Variants in ARID2 observed in about 807,000 individuals in gnomAD.
ARID2 encodes the protein AT-rich interactive domain-containing protein 2.
In ARID2, 32 loss-of-function variants were observed where a neutral mutation model predicts 184.6. That is an observed-to-expected ratio of 0.17 (90% CI 0.13 to 0.23). ARID2 has a LOEUF of 0.23. Among genes scored for constraint, ARID2 ranks in the 10% least tolerant of loss-of-function variants. The pLI, the probability that ARID2 is intolerant of heterozygous loss-of-function variation, is 1.00. For synonymous variants in ARID2, 836 were observed against 772.6 expected (o/e 1.08, Z -1.36); for missense variants, 1,696 against 2,197.6 (o/e 0.77, Z 4.56).
intron 3 of ARID2, among the ~76,000 whole-genome samples, chr12:45,736,971 C>T (rs774226141): frequency 1.3e-5 from 2 of 152,168 alleles, no homozygotes; most frequent in Non-Finnish European, 2.9e-5. Context: ...TACTTGTGCA[C>T]CAACCTAAGA....
rs2138172727 is a variant in ARID2 at position 45,851,659 on chromosome 12, A to G, written c.3536A>G (p.Asn1179Ser). 7 of 1,614,180 alleles carry G rather than the reference A, an allele frequency of 4.3e-6. No individual in the cohort carries two copies. Among genetic ancestry groups the G allele is most frequent in the Non-Finnish European group, 5.9e-6 (7 of 1,180,012 alleles). The change falls in exon 15 of 21, where the codon AAT becomes AGT. Residue 1179 changes from asparagine to serine, a missense_variant. Physicochemically the swap from Asn to Ser is conservative, Grantham distance 46 (BLOSUM62 1). Coordinates refer to ENST00000334344, the MANE Select transcript of ARID2 (RefSeq NM_152641.4). ...GNQVTITVVP[N>S]TSFAPATVSQ... ...CAGGTAACCATAACAGTTGTGCCAA[A>G]TACGAGTTTTGCACCTGCAACTGTG...
intron 3 of ARID2, among the ~76,000 whole-genome samples, chr12:45,792,691 CTA>C (rs1181173282): frequency 6.6e-6 from 1 of 151,648 alleles, no homozygotes; most frequent in Non-Finnish European, 1.5e-5. Context: ...ATTTTGCATT[CTA>C]TGTTTTGGGG....
intron 3 of ARID2, among the ~76,000 whole-genome samples, chr12:45,808,294 C>G (rs1942639072): frequency 6.6e-6 from 1 of 152,130 alleles, no homozygotes; most frequent in South Asian, 2.1e-4. Flanking sequence ...ACTGAAAAAC[C>G]AAACAAACTG....
intron 20 of ARID2, among the ~76,000 whole-genome samples, chr12:45,895,437 G>A (rs1362610713): frequency 1.3e-5 from 2 of 152,150 alleles, no homozygotes; most frequent in African/African-American, 4.8e-5. Flanking sequence ...TTTGATCTTT[G>A]TATCTTTAGT....
intron 3 of ARID2, among the ~76,000 whole-genome samples, chr12:45,783,685 C>G (rs968993083): frequency 6.6e-6 from 1 of 152,272 alleles, no homozygotes; most frequent in Non-Finnish European, 1.5e-5. Flanking sequence ...CACTGCTGAT[C>G]TGACAGGAGG....
intron 3 of ARID2, among the ~76,000 whole-genome samples, chr12:45,753,113 AT>A (rs1163360981): frequency 6.6e-6 from 1 of 151,800 alleles, no homozygotes; most frequent in African/African-American, 2.4e-5. Flanking sequence ...AAAATACAAA[AT>A]TAGCTGGGTG....
intron 3 of ARID2, among the ~76,000 whole-genome samples, chr12:45,773,138 G>A (rs1025511759): frequency 2.6e-5 from 4 of 152,066 alleles, no homozygotes; most frequent in Non-Finnish European, 5.9e-5. Context: ...AATGGAACAT[G>A]TTCCTAAAGT....
At chr12:45,738,944 A>G (rs1761047402) in intron 3 of ARID2, among the ~76,000 whole-genome samples, 1 of 151,456 alleles carries the variant, frequency 6.6e-6, no homozygotes, top group Non-Finnish European at 1.5e-5. Context: ...CTGCTGATAG[A>G]CCTGCTGTAC....
chr12:45,792,515 G>A (rs1942310984), intron 3 of ARID2, among the ~76,000 whole-genome samples: 1 of 152,166 alleles, frequency 6.6e-6, no homozygotes, highest in Non-Finnish European at 1.5e-5. Flanking sequence ...TCAGTGCTTT[G>A]TATACAGTAT....
chr12:45,899,672 TATATATGG>T (rs1322265534), intron 20 of ARID2, among the ~76,000 whole-genome samples: 3 of 14,678 alleles, frequency 2.0e-4, no homozygotes, highest in South Asian at 1.5e-3. Context: ...TATATATGGT[TATATATGG>T]TTATATATAT....
chr12:45,831,626 T>C (rs1027684913), intron 6 of ARID2, among the ~76,000 whole-genome samples: 1 of 152,186 alleles, frequency 6.6e-6, no homozygotes, highest in Non-Finnish European at 1.5e-5. Flanking sequence ...TCTGTCCAGC[T>C]ATATTTTTGT....
At position 45,851,752 on chromosome 12, in the gene ARID2, T is replaced by C. The variant is rs569971226; in HGVS notation, c.3629T>C (p.Val1210Ala). The C allele has an allele frequency of 1.0e-4, 165 of 1,613,972 alleles. 6 individuals are homozygous for C. In the South Asian group the frequency reaches 1.8e-3, roughly 18 times the overall value. ...GITMSGTQTG[V>A]GLPVQTLPAT... The stretch of plus-strand genomic sequence containing the variant: ...ACCATGAGCGGAACGCAGACAGGAG[T>C]TGGACTTCCAGTACAAACGCTTCCA... The change falls in exon 15 of 21, where the codon GTT (valine) becomes GCT (alanine). Residue 1210 changes from valine to alanine, a missense_variant. Physicochemically the swap from Val to Ala is moderately conservative, Grantham distance 64. This residue lies in a region of ARID2 where 428 missense variants were observed against 409.1 expected (regional missense o/e 1.05). Transcript: ENST00000334344.
chr12:45,785,463 T>A (rs1217405945), intron 3 of ARID2, among the ~76,000 whole-genome samples: 1 of 152,098 alleles, frequency 6.6e-6, no homozygotes, highest in African/African-American at 2.4e-5. Flanking sequence ...GGAGAATGAT[T>A]TTACCTGCTG....
intron 3 of ARID2, among the ~76,000 whole-genome samples, chr12:45,732,214 T>C (rs1363008832): frequency 6.6e-6 from 1 of 152,200 alleles, no homozygotes; most frequent in Non-Finnish European, 1.5e-5. Context: ...ATATTCTTTG[T>C]ATTTATTGCT....
chr12:45,757,752 C>T (rs939973518), intron 3 of ARID2, among the ~76,000 whole-genome samples: 5 of 151,668 alleles, frequency 3.3e-5, no homozygotes, highest in East Asian at 3.9e-4. Flanking sequence ...ATATTTCATA[C>T]GGTTAGTTCT....
chr12:45,812,230 T>TAAAAC (rs1178118017), intron 4 of ARID2, among the ~76,000 whole-genome samples: 1 of 151,812 alleles, frequency 6.6e-6, no homozygotes, highest in Non-Finnish European at 1.5e-5. Context: ...GATACTTGTT[T>TAAAAC]TTCAAGCTAT....
intron 3 of ARID2, among the ~76,000 whole-genome samples, chr12:45,764,805 A>G (rs1253191271): frequency 6.6e-6 from 1 of 152,252 alleles, no homozygotes; most frequent in East Asian, 1.9e-4. Flanking sequence ...GATTAAAAAC[A>G]CTATAAACAT....
chr12:45,756,883 A>G (rs1161743070), intron 3 of ARID2, among the ~76,000 whole-genome samples: 3 of 152,348 alleles, frequency 2.0e-5, no homozygotes, highest in Non-Finnish European at 4.4e-5. Flanking sequence ...TGGTCAACAG[A>G]ATGAGACTCT....
intron 15 of ARID2, among the ~76,000 whole-genome samples, chr12:45,855,392 T>C (rs928234575): frequency 2.0e-5 from 3 of 152,226 alleles, no homozygotes; most frequent in Admixed American, 6.5e-5. Context: ...GGTTGTCTTA[T>C]AGAAATTTAA....
Sources: allele counts gnomAD v4.1 joint callset (sites outside exome capture counted in the v4.1 genomes callset), GRCh38; gene constraint gnomAD v4.1.1; regional missense constraint gnomAD v4.1.1; transcripts MANE v1.5; gene names NCBI Gene and HGNC (gene_info 2026-07-23, HGNC 2026-07-21).